The following GNG12 variants were observed in gnomAD, a reference collection of about 807,000 sequenced individuals.
GNG12 encodes the protein G protein subunit gamma 12, also known as guanine nucleotide-binding protein G(I)/G(S)/G(O) subunit gamma-12.
For missense variants in GNG12, 69 were observed against 83.8 expected, an observed-to-expected ratio of 0.82 and a Z score of 0.69; for synonymous variants, 28 against 29.7, an observed-to-expected ratio of 0.94 and a Z score of 0.19.
chr1:67,819,301 G>T (rs1457762632), intron 1 of GNG12, among the ~76,000 whole-genome samples: 1 of 152,118 alleles, frequency 6.6e-6, no homozygotes, highest in African/African-American at 2.4e-5. Flanking sequence ...AGGTTTTAAG[G>T]GGACGATGAT....
At chr1:67,820,524 T>C (rs1000340195) in intron 1 of GNG12, among the ~76,000 whole-genome samples, 1 of 152,184 alleles carries the variant, frequency 6.6e-6, no homozygotes, top group Non-Finnish European at 1.5e-5. Flanking sequence ...CCTGTGTCCC[T>C]TCCACTCCCA....
chr1:67,758,124 A>T (rs1247399821), intron 2 of GNG12, among the ~76,000 whole-genome samples: 5 of 152,048 alleles, frequency 3.3e-5, no homozygotes, highest in African/African-American at 1.2e-4. Context: ...GGCACCCACG[A>T]CCACACCCCT....
chr1:67,767,306 G>C (rs1272035806), intron 2 of GNG12, among the ~76,000 whole-genome samples: 2 of 152,124 alleles, frequency 1.3e-5, no homozygotes, highest in Non-Finnish European at 2.9e-5. Context: ...GACTGACAGG[G>C]GTTCAGCACG....
At chr1:67,766,254 G>C (rs1001676892) in intron 2 of GNG12, among the ~76,000 whole-genome samples, 2 of 152,018 alleles carry the variant, frequency 1.3e-5, no homozygotes, top group African/African-American at 4.8e-5. Context: ...TGCCCTTGAG[G>C]GCTCATTTTA....
chr1:67,759,412 A>G (rs1030287968), intron 2 of GNG12, among the ~76,000 whole-genome samples: 1 of 152,210 alleles, frequency 6.6e-6, no homozygotes. Flanking sequence ...AATACAGTGT[A>G]GCCATTAAGA....
Position 67,819,983 on chromosome 1 carries a change from C to T in GNG12, c.-77+13361G>A, listed in dbSNP as rs1004386798. Reference sequence around the variant, plus strand: ...CTTTGCTACCTTCACAGCACTTACCCCTTTCTGAATTGACCTCGTCATGTG... The same window carrying T: ...CTTTGCTACCTTCACAGCACTTACCTCTTTCTGAATTGACCTCGTCATGTG... On this transcript the variant is annotated intron_variant, in intron 1 of 3. Transcript: ENST00000370982. 1.3e-5 allele frequency among the ~76,000 whole-genome samples: 2 copies of T among 152,236 alleles called. 1 individual carries two copies. The highest frequency in any genetic ancestry group is 1.3e-4 in the Admixed American group (2 of 15,292).
chr1:67,703,245 C>A lies in GNG12; in HGVS notation c.*2206G>T, dbSNP rs2100659707. On this transcript the variant is annotated 3_prime_UTR_variant, in exon 4 of 4. Coordinates refer to ENST00000370982, the MANE Select transcript of GNG12 (RefSeq NM_018841.6). ...AATAAAATGAAATCTCCTGGGACCT[C>A]AAGTCCATTTCTTACCACTATAAGC... The A allele has an allele frequency of 6.6e-6, 1 of 152,218 alleles. No individual in the cohort carries two copies. Among genetic ancestry groups the A allele is most frequent in the Middle Eastern group, 3.4e-3 (1 of 294 alleles). The allele number at this position is 152,218 out of a possible 1,614,324, so 9.4% of individuals were successfully genotyped here. A position where few individuals can be genotyped will look rare whatever the true frequency, so the allele number is the denominator to read the frequency against.
chr1:67,724,151 AGAG>A (rs750213691), intron 2 of GNG12, among the ~76,000 whole-genome samples: 5 of 152,168 alleles, frequency 3.3e-5, no homozygotes, highest in Non-Finnish European at 5.9e-5. Flanking sequence ...TTCCAGAAAC[AGAG>A]GAGGAGAGTT....
At chr1:67,823,507 T>C (rs2100824918) in intron 1 of GNG12, among the ~76,000 whole-genome samples, 1 of 152,304 alleles carries the variant, frequency 6.6e-6, no homozygotes, top group East Asian at 1.9e-4. Flanking sequence ...CAGAGATGTA[T>C]GCAAGAGGAA....
At chr1:67,818,021 A>G (rs1646963964) in intron 1 of GNG12, among the ~76,000 whole-genome samples, 2 of 152,114 alleles carry the variant, frequency 1.3e-5, no homozygotes, top group Admixed American at 1.3e-4. Flanking sequence ...TCCTGGGCTC[A>G]AGCAATCCTC....
chr1:67,769,593 A>G (rs1646661437), intron 2 of GNG12, among the ~76,000 whole-genome samples: 1 of 152,194 alleles, frequency 6.6e-6, no homozygotes, highest in Admixed American at 6.5e-5. Flanking sequence ...GCATGAGCAC[A>G]GTTTCCAAAT....
At chr1:67,737,010 T>C (rs1405471904) in intron 2 of GNG12, among the ~76,000 whole-genome samples, 3 of 152,222 alleles carry the variant, frequency 2.0e-5, no homozygotes, top group Non-Finnish European at 4.4e-5. Context: ...ACTAAAGTTG[T>C]GCAGCCTGAA....
intron 2 of GNG12, among the ~76,000 whole-genome samples, chr1:67,716,548 T>TTCTTGC (rs1178730344): frequency 6.6e-6 from 1 of 152,180 alleles, no homozygotes; most frequent in African/African-American, 2.4e-5. Context: ...GGTTAAAAAA[T>TTCTTGC]TCTTGCCCAA....
At chr1:67,764,583 A>G (rs933722280) in intron 2 of GNG12, among the ~76,000 whole-genome samples, 6 of 152,354 alleles carry the variant, frequency 3.9e-5, no homozygotes, top group Non-Finnish European at 5.9e-5. Context: ...TTGAGGGACC[A>G]TTAATGAATG....
At chr1:67,801,951 GA>G (rs1451811099) in intron 1 of GNG12, among the ~76,000 whole-genome samples, 1 of 149,904 alleles carries the variant, frequency 6.7e-6, no homozygotes, top group African/African-American at 2.5e-5. Flanking sequence ...AAAAAAGAAG[GA>G]AGGGGGGTGA....
chr1:67,818,413 GTT>G (rs1163831257), intron 1 of GNG12, among the ~76,000 whole-genome samples: 54 of 83,896 alleles, frequency 6.4e-4, no homozygotes, highest in South Asian at 1.2e-3. Context: ...AAGACCAGGG[GTT>G]TTTTTTTTTT....
chr1:67,711,178 G>T (rs778261633), intron 2 of GNG12, among the ~76,000 whole-genome samples: 5 of 152,210 alleles, frequency 3.3e-5, no homozygotes, highest in Admixed American at 6.5e-5. Context: ...AACTTTCTAT[G>T]AATATTGTAT....
At chr1:67,831,123 T>C (rs1020704467) in intron 1 of GNG12, among the ~76,000 whole-genome samples, 7 of 152,222 alleles carry the variant, frequency 4.6e-5, no homozygotes, top group African/African-American at 1.4e-4. Context: ...TCTTCCAAGT[T>C]AGGGCTCAGA....
At chr1:67,757,367 A>C (rs904185866) in intron 2 of GNG12, among the ~76,000 whole-genome samples, 3 of 152,204 alleles carry the variant, frequency 2.0e-5, no homozygotes, top group African/African-American at 7.2e-5. Flanking sequence ...CTACATGAGG[A>C]AACAGGCAGG....
Sources: allele counts gnomAD v4.1 joint callset (sites outside exome capture counted in the v4.1 genomes callset), GRCh38; gene constraint gnomAD v4.1.1; transcripts MANE v1.5; gene names NCBI Gene and HGNC (gene_info 2026-07-23, HGNC 2026-07-21).